The following ARID4B variants were observed in gnomAD, a reference collection of about 807,000 sequenced individuals.
ARID4B encodes the protein AT-rich interaction domain 4B, also known as AT-rich interactive domain-containing protein 4B.
Under a neutral mutation model 147.5 loss-of-function variants are expected in ARID4B, and 26 were observed. The ratio of observed to expected loss-of-function variants is 0.18; its 90% CI spans 0.13 to 0.24. The LOEUF is 0.24. ARID4B is among the 10% of genes least tolerant of loss of function. ARID4B has a pLI of 1.00. For synonymous variants in ARID4B, 512 were observed against 507.9 expected (o/e 1.01, Z -0.11); for missense variants, 1,179 against 1,511.5 (o/e 0.78, Z 3.65).
chr1:235,289,219 T>G (rs1672171789), intron 2 of ARID4B, among the ~76,000 whole-genome samples: 1 of 152,216 alleles, frequency 6.6e-6, no homozygotes, highest in African/African-American at 2.4e-5. Context: ...ATGTATGACT[T>G]ACTTCAAACA....
At position 235,257,212 on chromosome 1, in the gene ARID4B, T is replaced by G. The variant is rs1395887823; in HGVS notation, c.131A>C (p.His44Pro). Reference protein sequence around the residue: ...RLVKVKVTFRHDSSTVEVQDD... With the variant: ...RLVKVKVTFRPDSSTVEVQDD... ...CTGAACTTCCACTGTTGAAGAATCA[T>G]GTCTAAATGTCACCTAGAGATTATA... Residue 44 changes from histidine to proline, a missense_variant, in exon 4 of 24, where the codon CAT becomes CCT. Coordinates refer to ENST00000264183, the MANE Select transcript of ARID4B (RefSeq NM_016374.6). The G allele has an allele frequency of 6.2e-7, 1 of 1,612,474 alleles. No individual in the cohort carries two copies. Among genetic ancestry groups the G allele is most frequent in the Non-Finnish European group, 8.5e-7 (1 of 1,178,632 alleles).
chr1:235,319,499 T>C (rs1674674947), intron 2 of ARID4B, among the ~76,000 whole-genome samples: 1 of 152,144 alleles, frequency 6.6e-6, no homozygotes, highest in Admixed American at 6.5e-5. Flanking sequence ...CAACAGACTG[T>C]GGCCATGTCT....
intron 2 of ARID4B, among the ~76,000 whole-genome samples, chr1:235,293,680 T>A (rs1014532648): frequency 3.2e-4 from 48 of 150,006 alleles, no homozygotes; most frequent in Non-Finnish European, 2.5e-4. Flanking sequence ...AAAGAGAAGG[T>A]GGAAAGATGA....
intron 2 of ARID4B, among the ~76,000 whole-genome samples, chr1:235,268,489 T>TAAC (rs747143133): frequency 6.6e-6 from 1 of 152,080 alleles, no homozygotes; most frequent in Admixed American, 6.6e-5. Flanking sequence ...GACAGCCCAG[T>TAAC]AACAACAACA....
At chr1:235,176,352 T>C (rs900772676) in intron 21 of ARID4B, among the ~76,000 whole-genome samples, 3 of 145,590 alleles carry the variant, frequency 2.1e-5, no homozygotes, top group Non-Finnish European at 4.5e-5. Flanking sequence ...GAAAAAACAC[T>C]TTAAATATCC....
At chr1:235,246,867 C>T (rs998465997) in intron 6 of ARID4B, among the ~76,000 whole-genome samples, 1 of 151,964 alleles carries the variant, frequency 6.6e-6, no homozygotes, top group Non-Finnish European at 1.5e-5. Context: ...AAGGTTAGGG[C>T]CAACTGCAGC....
chr1:235,252,677 T>C, intron 6 of ARID4B, 53 bp downstream of exon 6: 1 of 1,533,212 alleles, frequency 6.5e-7, no homozygotes, highest in Non-Finnish European at 8.9e-7. Flanking sequence ...CAAAAATTTA[T>C]TCCTCCCAAT....
chr1:235,240,278 T>G (rs1304415644), intron 8 of ARID4B, 35 bp downstream of exon 8: 11 of 1,556,350 alleles, frequency 7.1e-6, no homozygotes, highest in Non-Finnish European at 9.5e-6. Flanking sequence ...CTTATAAAGT[T>G]TGAAATTAAA....
intron 17 of ARID4B, among the ~76,000 whole-genome samples, chr1:235,207,293 T>TA (rs911243034): frequency 6.6e-6 from 1 of 152,044 alleles, no homozygotes; most frequent in Non-Finnish European, 1.5e-5. Flanking sequence ...AAGAAGGACA[T>TA]AGAGAATTAA....
At chr1:235,241,093 AAAGG>A (rs542730446) in intron 7 of ARID4B, among the ~76,000 whole-genome samples, 68 of 152,376 alleles carry the variant, frequency 4.5e-4, no homozygotes, top group African/African-American at 1.5e-3. Context: ...GTCAGAAGAA[AAAGG>A]AAGTATCTGA....
Position 235,221,635 on chromosome 1 carries a change from C to T in ARID4B, c.1093G>A (p.Val365Ile). Residue 365 changes from valine (V) to isoleucine (I), a missense_variant, in exon 14 of 24, where the codon GTC (valine) becomes ATC (isoleucine). By Grantham distance (29) the Val-to-Ile change is conservative (BLOSUM62 3). Around this residue, in one of 10 missense-constraint regions of ARID4B, gnomAD observed 26 missense variants for 77.9 expected, o/e 0.33. Transcript: ENST00000264183. ...NIESGAVWKQVYQDLGIPVLN... is the reference protein window; with the variant it reads ...NIESGAVWKQIYQDLGIPVLN... ...ACAGGGATTCCAAGATCTTGGTAGA[C>T]TTGTTTCCAAACAGCTCCACTTTCA... 1.9e-6 allele frequency: 3 copies of T among 1,610,834 alleles called. No homozygotes were observed. Among genetic ancestry groups the T allele is most frequent in the Non-Finnish European group, 1.7e-6 (2 of 1,177,920 alleles).
At chr1:235,185,965 T>C (rs1336456605) in intron 19 of ARID4B, among the ~76,000 whole-genome samples, 1 of 146,166 alleles carries the variant, frequency 6.8e-6, no homozygotes, top group East Asian at 2.3e-4. Context: ...AATTTTTCTT[T>C]AGTTATTTGC....
chr1:235,322,120 C>A (rs185471214), intron 2 of ARID4B, among the ~76,000 whole-genome samples: 1 of 151,906 alleles, frequency 6.6e-6, no homozygotes, highest in Admixed American at 6.6e-5. Flanking sequence ...CCTCCACCTC[C>A]CGTGTTCAAG....
intron 17 of ARID4B, among the ~76,000 whole-genome samples, chr1:235,197,990 C>G (rs533670659): frequency 6.6e-6 from 1 of 152,296 alleles, no homozygotes; most frequent in South Asian, 2.1e-4. Context: ...GAAAACACCT[C>G]CATCCTCTGT....
At chr1:235,260,852 T>C (rs1670251065) in intron 2 of ARID4B, 100 bp from the exon 3 acceptor site, 1 of 754,444 alleles carries the variant, frequency 1.3e-6, no homozygotes, top group African/African-American at 1.8e-5. Flanking sequence ...CTACAACAGT[T>C]ATAAATATGA....
chr1:235,210,798 CTATATTATTAAAAACT>C (rs1299902682), intron 17 of ARID4B, among the ~76,000 whole-genome samples: 1 of 152,144 alleles, frequency 6.6e-6, no homozygotes, highest in Non-Finnish European at 1.5e-5. Context: ...ATTTTCCTCC[CTATATTATTAAAAACT>C]TGAATGCCTC....
chr1:235,242,783 T>A (rs758055759), intron 7 of ARID4B, among the ~76,000 whole-genome samples: 1 of 152,160 alleles, frequency 6.6e-6, no homozygotes, highest in Non-Finnish European at 1.5e-5. Context: ...GAAACATCTA[T>A]CCACCTTACA....
chr1:235,268,370 TACACAC>T (rs34759406), intron 2 of ARID4B, among the ~76,000 whole-genome samples: 20 of 150,148 alleles, frequency 1.3e-4, no homozygotes, highest in Admixed American at 3.3e-4. Flanking sequence ...TATATATACA[TACACAC>T]ACACACACAC....
At chr1:235,174,215 T>C (rs1218282867) in intron 22 of ARID4B, among the ~76,000 whole-genome samples, 1 of 151,666 alleles carries the variant, frequency 6.6e-6, no homozygotes, top group Non-Finnish European at 1.5e-5. Flanking sequence ...AATTTTTTGT[T>C]TTATTAGTAG....
Sources: gnomAD v4.1 joint callset for allele counts (sites outside exome capture counted in the v4.1 genomes callset) on GRCh38, gnomAD v4.1.1 for gene constraint, gnomAD v4.1.1 regional missense constraint, MANE v1.5 for transcripts, NCBI Gene and HGNC (gene_info 2026-07-23, HGNC 2026-07-21) for gene names.